SPRTN: variants seen among roughly 807,000 people sequenced by gnomAD.
SPRTN encodes SprT-like N-terminal domain.
In SPRTN, 11 loss-of-function variants were observed where a neutral mutation model predicts 31.9. That is an observed-to-expected ratio of 0.34 (90% confidence interval 0.22 to 0.57). The LOEUF is 0.57. SPRTN is among the 20% of genes least tolerant of loss of function. SPRTN has a pLI of 0.86. For synonymous variants in SPRTN, 185 were observed against 212.1 expected, an observed-to-expected ratio of 0.87 and a Z score of 1.11; for missense variants, 482 against 590.1, an observed-to-expected ratio of 0.82 and a Z score of 1.90.
chr1:231,338,359 G>C lies in SPRTN; in HGVS notation c.-25G>C. 6.2e-7 allele frequency: 1 copy of C among 1,610,926 alleles called. No individual in the cohort carries two copies. The highest frequency in any genetic ancestry group is 8.5e-7 in the Non-Finnish European group (1 of 1,177,982). ...CTGGGGAGCCAGCCTGACGCCGGCG[G>C]ACCCCGCCTGTGATCCTGGCAACGA... On this transcript the variant is annotated 5_prime_UTR_variant, in exon 1 of 5. Transcript: ENST00000295050.
At chr1:231,342,877 G>A (rs141923557) in intron 2 of SPRTN, among the ~76,000 whole-genome samples, 1,598 of 151,996 alleles carry the variant, frequency 0.011, 28 homozygotes, top group African/African-American at 0.037. Flanking sequence ...TGGGACTACA[G>A]GCACCCGCCA....
chr1:231,341,664 A>G (rs1210253359), intron 2 of SPRTN, among the ~76,000 whole-genome samples: 1 of 152,218 alleles, frequency 6.6e-6, no homozygotes, highest in Non-Finnish European at 1.5e-5. Flanking sequence ...TTTAAATTTT[A>G]TGAGGCATAA....
intron 2 of SPRTN, among the ~76,000 whole-genome samples, chr1:231,344,055 A>G (rs775969433): frequency 6.6e-6 from 1 of 152,166 alleles, no homozygotes; most frequent in Non-Finnish European, 1.5e-5. Context: ...AAAGTTCAGT[A>G]CCATTTTCAA....
chr1:231,353,321 A>T lies in SPRTN; in HGVS notation c.1430A>T (p.Glu477Val). Reference sequence around the variant, plus strand: ...AATGAGCACTTGGACTGGTGCCTTGAAGGTGACAGCATCAAAGTCAAAAGC... The same window carrying T: ...AATGAGCACTTGGACTGGTGCCTTGTAGGTGACAGCATCAAAGTCAAAAGC... ...QINEHLDWCL[E>V]GDSIKVKSEE... Residue 477 changes from glutamate to valine, a missense_variant, in exon 5 of 5, where the codon GAA becomes GTA. Physicochemically the swap from Glu to Val is moderately radical, Grantham distance 121. Around this residue, in one of 2 missense-constraint regions of SPRTN, gnomAD observed 325 missense variants for 350.2 expected, o/e 0.93. Coordinates refer to ENST00000295050, the MANE Select transcript of SPRTN (RefSeq NM_032018.7). 1.9e-6 allele frequency: 3 copies of T among 1,597,498 alleles called. 1 individual carries two copies. Among genetic ancestry groups the T allele is most frequent in the South Asian group, 2.3e-5 (2 of 87,606 alleles).
At chr1:231,344,579 A>G (rs1345395769) in intron 2 of SPRTN, 2 of 198,434 alleles carry the variant, frequency 1.0e-5, no homozygotes, top group African/African-American at 4.7e-5. Context: ...GGGATATATG[A>G]ATGACCAAGT....
chr1:231,351,678 T>C, intron 4 of SPRTN, 107 bp downstream of exon 4: 1 of 1,515,550 alleles, frequency 6.6e-7, no homozygotes, highest in Non-Finnish European at 8.8e-7. Flanking sequence ...GGATCGTTTC[T>C]GGTGTAGAAG....
Position 231,339,755 on chromosome 1 carries a change from T to G in SPRTN, c.222-14T>G, listed in dbSNP as rs762287724. On this transcript the variant is annotated splice_polypyrimidine_tract_variant and intron_variant, in intron 1 of 4. Transcript: ENST00000295050. ...TGGCCAATGTAACACATTTTTATGG[T>G]GATTGTTTTCTAGGTGTGCTGGGAT... 1.9e-6 allele frequency: 3 copies of G among 1,613,840 alleles called. No homozygotes were observed. The highest frequency in any genetic ancestry group is 1.6e-4 in the Middle Eastern group (1 of 6,062).
chr1:231,346,941 C>A (rs372392594), intron 2 of SPRTN, among the ~76,000 whole-genome samples: 13 of 148,824 alleles, frequency 8.7e-5, no homozygotes, highest in Non-Finnish European at 1.0e-4. Flanking sequence ...GACCCTGTCT[C>A]AAAAAAAAAA....
At position 231,352,931 on chromosome 1, in the gene SPRTN, A is replaced by G; in HGVS notation, c.1040A>G (p.Asn347Ser). 1 of 1,614,164 alleles carries G rather than the reference A, an allele frequency of 6.2e-7. No individual in the cohort carries two copies. The highest frequency in any genetic ancestry group is 1.1e-5 in the South Asian group (1 of 91,084). The change falls in exon 5 of 5, where the codon AAT becomes AGT. Residue 347 changes from asparagine to serine, a missense_variant. Coordinates refer to ENST00000295050, the MANE Select transcript of SPRTN (RefSeq NM_032018.7). ...AACCAAAAGGCTTTCAGAGGTGTGA[A>G]TGGATCTCCAAGGATAAGTGTAACA... Reference protein sequence around the residue: ...FANQKAFRGVNGSPRISVTVG... With the variant: ...FANQKAFRGVSGSPRISVTVG...
intron 2 of SPRTN, 157 bp downstream of exon 2, chr1:231,340,025 T>C: frequency 1.6e-6 from 1 of 609,346 alleles, no homozygotes. Flanking sequence ...GAACACCTTA[T>C]GTTTTTTATA....
chr1:231,338,803 G>A (rs1450073536), intron 1 of SPRTN, among the ~76,000 whole-genome samples, 199 bp downstream of exon 1: 1 of 152,168 alleles, frequency 6.6e-6, no homozygotes, highest in African/African-American at 2.4e-5. Flanking sequence ...CAATAAGAAA[G>A]CTGTGTAGAC....
intron 3 of SPRTN, among the ~76,000 whole-genome samples, chr1:231,350,139 C>T (rs968899896): frequency 1.3e-5 from 2 of 152,206 alleles, no homozygotes; most frequent in Non-Finnish European, 2.9e-5. Flanking sequence ...TCAGTCCCTT[C>T]TGCATTTAAT....
intron 3 of SPRTN, 77 bp from the exon 4 acceptor site, chr1:231,351,227 A>AAT: frequency 6.5e-6 from 8 of 1,225,690 alleles, no homozygotes; most frequent in Non-Finnish European, 7.2e-6. Context: ...AAAAAAAAAA[A>AAT]AAGACTGCTT....
At chr1:231,348,801 G>T (rs1314291424) in intron 3 of SPRTN, among the ~76,000 whole-genome samples, 2 of 152,186 alleles carry the variant, frequency 1.3e-5, no homozygotes, top group East Asian at 3.9e-4. Flanking sequence ...ACTTTTGAAC[G>T]CAGGGTAGGT....
At chr1:231,343,396 C>T (rs1686961679) in intron 2 of SPRTN, among the ~76,000 whole-genome samples, 1 of 152,076 alleles carries the variant, frequency 6.6e-6, no homozygotes, top group Admixed American at 6.5e-5. Context: ...GATGTTTGCA[C>T]AATGACAAAA....
In SPRTN at chr1:231,350,339, CAG is replaced by C. The variant is rs1353844798; in HGVS notation, c.451-960_451-959del. 3.9e-5 allele frequency among the ~76,000 whole-genome samples: 6 copies of C among 152,320 alleles called. No individual in the cohort carries two copies. In the East Asian group the frequency reaches 1.2e-3, roughly 29 times the overall value. On this transcript the variant is annotated intron_variant, in intron 3 of 4. Coordinates refer to ENST00000295050, the MANE Select transcript of SPRTN (RefSeq NM_032018.7). ...CATACAGATGCTTCTCACTCTTACA[CAG>C]AGAGTTCCACTGAGAAGGCAGAAGA...
chr1:231,351,835 A>T, intron 4 of SPRTN: 2 of 1,083,960 alleles, frequency 1.8e-6, no homozygotes, highest in Non-Finnish European at 2.2e-6. Flanking sequence ...GTTTCTTTTT[A>T]TTCAAAGAAA....
intron 2 of SPRTN, among the ~76,000 whole-genome samples, chr1:231,343,038 A>G (rs935482992): frequency 3.9e-5 from 6 of 152,054 alleles, no homozygotes; most frequent in African/African-American, 1.4e-4. Context: ...CACCTGGCCA[A>G]GACTATATTT....
At position 231,353,367 on chromosome 1, in the gene SPRTN, G is replaced by A; in HGVS notation, c.*6G>A. ...AAAGCGAAGAAAGTCTTTGAAAAAG[G>A]TTTCAAAGTCTCAAGTACCACCTGT... On this transcript the variant is annotated 3_prime_UTR_variant, in exon 5 of 5. Coordinates refer to ENST00000295050, the MANE Select transcript of SPRTN (RefSeq NM_032018.7). 5.1e-6 allele frequency: 8 copies of A among 1,565,456 alleles called. No homozygotes were observed. The highest frequency in any genetic ancestry group is 6.9e-6 in the Non-Finnish European group (8 of 1,161,754).
Sources: allele counts gnomAD v4.1 joint callset (sites outside exome capture counted in the v4.1 genomes callset), GRCh38; gene constraint gnomAD v4.1.1; regional missense constraint gnomAD v4.1.1; transcripts MANE v1.5; gene names NCBI Gene and HGNC (gene_info 2026-07-23, HGNC 2026-07-21).